Variants in RNLS observed in about 807,000 individuals in gnomAD.
RNLS encodes the protein renalase, FAD dependent amine oxidase.
Under a neutral mutation model 39.8 loss-of-function variants are expected in RNLS, and 39 were observed. That is an observed-to-expected ratio of 0.98 (90% CI 0.76 to 1.28). The LOEUF is 1.28. Among genes scored for constraint, RNLS ranks in the 50% most tolerant of loss-of-function variants. The pLI, the probability that RNLS is intolerant of heterozygous loss-of-function variation, is 0.00. For missense variants in RNLS, 410 were observed against 413.3 expected (o/e 0.99, Z 0.07); for synonymous variants, 147 against 150.7 (o/e 0.98, Z 0.18).
intron 4 of RNLS, among the ~76,000 whole-genome samples, chr10:88,378,101 A>C (rs1377537481): frequency 6.6e-6 from 1 of 152,146 alleles, no homozygotes; most frequent in Admixed American, 6.6e-5. Flanking sequence ...TCCCACTAGA[A>C]GGTCTTCAAG....
chr10:88,492,852 A>G (rs1815878505), intron 4 of RNLS, among the ~76,000 whole-genome samples: 1 of 152,052 alleles, frequency 6.6e-6, no homozygotes, highest in Admixed American at 6.6e-5. Context: ...GTAGGGAAGC[A>G]GAATGACCAA....
At chr10:88,210,262 C>T in the RNLS span, among the ~76,000 whole-genome samples, 1 of 152,152 alleles carries the variant, frequency 6.6e-6, no homozygotes, top group Non-Finnish European at 1.5e-5. Context: ...AAGAAGCTGT[C>T]AACACTTAGT....
At chr10:88,363,429 TAC>T (rs141806719) in intron 4 of RNLS, among the ~76,000 whole-genome samples, 3 of 151,798 alleles carry the variant, frequency 2.0e-5, no homozygotes, top group Admixed American at 6.6e-5. Flanking sequence ...CAAAAACTGC[TAC>T]ACACACACAC....
At chr10:88,274,910 T>TAA (rs574174430) in exon 7 of RNLS, 119 of 1,127,818 alleles carry the variant, frequency 1.1e-4, no homozygotes, top group Non-Finnish European at 1.3e-4. Flanking sequence ...GTGGTATCCT[T>TAA]AAAAAAAAAA....
intron 4 of RNLS, among the ~76,000 whole-genome samples, chr10:88,466,147 G>A (rs779782714): frequency 5.3e-5 from 8 of 152,064 alleles, no homozygotes; most frequent in Non-Finnish European, 7.4e-5. Flanking sequence ...GTGACATTGT[G>A]GGAAGTCTGA....
intron 4 of RNLS, among the ~76,000 whole-genome samples, chr10:88,418,155 A>G (rs1451237676): frequency 6.6e-6 from 1 of 152,052 alleles, no homozygotes; most frequent in Non-Finnish European, 1.5e-5. Context: ...CATCGAAGCT[A>G]AAGATTCAAC....
chr10:88,491,072 C>A (rs1024088561), intron 4 of RNLS, among the ~76,000 whole-genome samples: 2 of 152,070 alleles, frequency 1.3e-5, no homozygotes, highest in African/African-American at 4.8e-5. Context: ...TTGGTCATGG[C>A]AAACCTGTGG....
chr10:88,506,896 G>C (rs549926499), intron 4 of RNLS, among the ~76,000 whole-genome samples: 1 of 152,250 alleles, frequency 6.6e-6, no homozygotes, highest in Admixed American at 6.5e-5. Context: ...GGAGGTAACG[G>C]GGTTGGTCAC....
chr10:88,341,237 G>C (rs1477722872), intron 5 of RNLS, among the ~76,000 whole-genome samples: 2 of 149,366 alleles, frequency 1.3e-5, no homozygotes. Flanking sequence ...GCTGAGGCAG[G>C]AGAATTGCTT....
intron 4 of RNLS, among the ~76,000 whole-genome samples, chr10:88,532,909 G>T (rs1261495234): frequency 6.6e-6 from 1 of 151,976 alleles, no homozygotes; most frequent in African/African-American, 2.4e-5. Flanking sequence ...GATATTTTAA[G>T]AAATGAAATA....
chr10:88,341,329 C>CAAA (rs755002114), intron 5 of RNLS, among the ~76,000 whole-genome samples: 43 of 50,478 alleles, frequency 8.5e-4, no homozygotes, highest in African/African-American at 1.1e-3. Flanking sequence ...AACTCCATCT[C>CAAA]AAAAAAAAAA....
intron 4 of RNLS, among the ~76,000 whole-genome samples, chr10:88,457,660 G>A (rs976087899): frequency 5.3e-5 from 8 of 152,208 alleles, no homozygotes; most frequent in Non-Finnish European, 1.2e-4. Context: ...TTTTAGCAAA[G>A]CATTTGAGTT....
chr10:88,302,841 A>G (rs1465530715), intron 6 of RNLS, among the ~76,000 whole-genome samples: 1 of 152,200 alleles, frequency 6.6e-6, no homozygotes. Context: ...AAAGGAGAAA[A>G]TGAGGGTAAT....
chr10:88,274,704 A>G (rs942506619), exon 7 of RNLS: 2 of 371,034 alleles, frequency 5.4e-6, no homozygotes, highest in Non-Finnish European at 1.0e-5. Context: ...TTGGATAGAT[A>G]TCCAGATGTG....
At chr10:88,209,093 C>G in the RNLS span, among the ~76,000 whole-genome samples, 1 of 152,110 alleles carries the variant, frequency 6.6e-6, no homozygotes, top group East Asian at 1.9e-4. Flanking sequence ...ATATCCGAAA[C>G]TCTTCTTTTT....
intron 4 of RNLS, among the ~76,000 whole-genome samples, chr10:88,428,652 A>G (rs1854956428): frequency 1.3e-5 from 2 of 151,928 alleles, no homozygotes; most frequent in Admixed American, 6.6e-5. Context: ...CCATTACTTT[A>G]CCCCTGGGGT....
chr10:88,220,287 C>G, the RNLS span, among the ~76,000 whole-genome samples: 2 of 152,052 alleles, frequency 1.3e-5, no homozygotes, highest in Admixed American at 1.3e-4. Flanking sequence ...GGAGTCAGCT[C>G]GAAGAAGGAG....
At chr10:88,275,682 C>T (rs557249036) in intron 6 of RNLS, among the ~76,000 whole-genome samples, 10 of 152,142 alleles carry the variant, frequency 6.6e-5, no homozygotes, top group East Asian at 1.9e-4. Flanking sequence ...AAATTAAAAA[C>T]GCACAGAACA....
intron 4 of RNLS, among the ~76,000 whole-genome samples, chr10:88,529,066 T>C (rs992138281): frequency 7.9e-5 from 12 of 152,228 alleles, no homozygotes; most frequent in African/African-American, 2.4e-4. Flanking sequence ...TTTGAGTGGA[T>C]TGGGAAAGGA....
Sources: allele counts gnomAD v4.1 joint callset (sites outside exome capture counted in the v4.1 genomes callset), GRCh38; gene constraint gnomAD v4.1.1; transcripts MANE v1.5; gene names NCBI Gene and HGNC (gene_info 2026-07-23, HGNC 2026-07-21).